The following TRPC4AP variants were observed in gnomAD, a reference collection of about 807,000 sequenced individuals.
TRPC4AP encodes the protein short transient receptor potential channel 4-associated protein.
In TRPC4AP, 45 loss-of-function variants were observed where a neutral mutation model predicts 99.0. The ratio of observed to expected loss-of-function variants is 0.45; its 90% CI spans 0.36 to 0.58. The LOEUF (loss-of-function observed/expected upper bound fraction) is 0.58, where lower values mean the gene tolerates loss of function less well. Among genes scored for constraint, TRPC4AP ranks in the 20% least tolerant of loss-of-function variants. The probability of loss-of-function intolerance (pLI) is 0.00; values close to 1 mark genes in which losing one functional copy is unlikely to be tolerated. For synonymous variants in TRPC4AP, 408 were observed against 385.8 expected (o/e 1.06, Z -0.67); for missense variants, 879 against 985.3 (o/e 0.89, Z 1.44).
At chr20:35,069,141 A>G (rs1192768041) in intron 3 of TRPC4AP, among the ~76,000 whole-genome samples, 155 bp downstream of exon 3, 5 of 152,216 alleles carry the variant, frequency 3.3e-5, no homozygotes, top group African/African-American at 1.2e-4. Context: ...AGTAAAAACT[A>G]TGCTGCTTCA....
intron 10 of TRPC4AP, among the ~76,000 whole-genome samples, chr20:35,014,018 C>T (rs1054443045): frequency 6.6e-6 from 1 of 152,252 alleles, no homozygotes; most frequent in African/African-American, 2.4e-5. Flanking sequence ...CAAAAGTGCC[C>T]TGTAGAAATG....
At position 35,065,430 on chromosome 20, in the gene TRPC4AP, A is replaced by G. The variant is rs564466457; in HGVS notation, c.414+3866T>C. ...TTGTAAACTCTAAGACACACTTTTC[A>G]CAGTCATGTTATGGATAGGGTCAGG... On this transcript the variant is annotated intron_variant, in intron 3 of 18. Transcript: ENST00000252015. Among the ~76,000 whole-genome samples, 78 of 152,284 alleles carry G rather than the reference A, an allele frequency of 5.1e-4. 1 individual carries two copies. Among genetic ancestry groups the G allele is most frequent in the African/African-American group, 1.8e-3 (76 of 41,548 alleles).
intron 8 of TRPC4AP, among the ~76,000 whole-genome samples, chr20:35,024,072 T>C (rs1226543994): frequency 6.6e-6 from 1 of 151,654 alleles, no homozygotes; most frequent in East Asian, 1.9e-4. Flanking sequence ...CCACACCGAT[T>C]GGAGCGGTCA....
chr20:35,018,960 G>A (rs2082822573), intron 9 of TRPC4AP, among the ~76,000 whole-genome samples: 1 of 152,188 alleles, frequency 6.6e-6, no homozygotes, highest in Non-Finnish European at 1.5e-5. Flanking sequence ...CTACTCAGGG[G>A]GCACTAAAAG....
At chr20:35,035,787 C>T (rs988437476) in intron 7 of TRPC4AP, among the ~76,000 whole-genome samples, 6 of 151,600 alleles carry the variant, frequency 4.0e-5, no homozygotes, top group African/African-American at 1.2e-4. Context: ...ATGACACATA[C>T]ATCTTTATAT....
chr20:35,039,747 G>A lies in TRPC4AP; in HGVS notation c.866-4439C>T, dbSNP rs140284031. 3.2e-3 allele frequency among the ~76,000 whole-genome samples: 487 copies of A among 152,136 alleles called. 4 individuals carry two copies. The highest frequency in any genetic ancestry group is 3.5e-3 in the Non-Finnish European group (238 of 67,990). On this transcript the variant is annotated intron_variant, in intron 7 of 18. Coordinates refer to ENST00000252015, the MANE Select transcript of TRPC4AP (RefSeq NM_015638.3). ...ATCTCTGCTAAGAATCTTGAAAGAC[G>A]TTACTTTCCCCCAGAAGGAAACCAG...
At chr20:35,050,116 A>C (rs1317608248) in intron 5 of TRPC4AP, 122 bp from the exon 6 acceptor site, 1 of 1,076,642 alleles carries the variant, frequency 9.3e-7, no homozygotes, top group Non-Finnish European at 1.3e-6. Context: ...AGTCAACAAA[A>C]CAGGAATGGC....
chr20:35,086,523 ATATGTGTGTG>A lies in TRPC4AP; in HGVS notation c.168+6081_168+6090del, dbSNP rs1300280530. The stretch of plus-strand genomic sequence containing the variant: ...TGTATATATATGTGTGTGTGTGTAT[ATATGTGTGTG>A]TGTGTGTGTGTGTGTGTGTGTGTGT... On this transcript the variant is annotated intron_variant, in intron 1 of 18. Coordinates refer to ENST00000252015, the MANE Select transcript of TRPC4AP (RefSeq NM_015638.3). Among the ~76,000 whole-genome samples, 33 of 99,144 alleles carry A rather than the reference ATATGTGTGTG, an allele frequency of 3.3e-4. 1 individual carries two copies. The highest frequency in any genetic ancestry group is 3.2e-3 in the South Asian group (8 of 2,512). The allele number at this position is 99,144 out of a possible 152,430, so 65.0% of individuals were successfully genotyped here.
At chr20:35,031,202 T>C (rs2083183776) in intron 8 of TRPC4AP, among the ~76,000 whole-genome samples, 1 of 152,014 alleles carries the variant, frequency 6.6e-6, no homozygotes, top group African/African-American at 2.4e-5. Flanking sequence ...CATTTTTCTC[T>C]TACTACTTTC....
chr20:35,049,677 G>A (rs1165986545), intron 6 of TRPC4AP, among the ~76,000 whole-genome samples, 189 bp downstream of exon 6: 1 of 152,146 alleles, frequency 6.6e-6, no homozygotes, highest in Non-Finnish European at 1.5e-5. Flanking sequence ...ATGTATGTCT[G>A]TTTAGGTTTT....
Position 35,003,434 on chromosome 20 carries a change from G to T in TRPC4AP, c.2232C>A (p.Asp744Glu). The T allele has an allele frequency of 6.2e-7, 1 of 1,614,182 alleles. No homozygotes were observed. The highest frequency in any genetic ancestry group is 8.5e-7 in the Non-Finnish European group (1 of 1,180,026). The change falls in exon 18 of 19, where the codon GAC (aspartate) becomes GAA (glutamate). Residue 744 changes from aspartate (D) to glutamate (E), a missense_variant. Physicochemically the swap from Asp to Glu is conservative, Grantham distance 45. Coordinates refer to ENST00000252015, the MANE Select transcript of TRPC4AP (RefSeq NM_015638.3). ...RFWQQHYLHK[D>E]KDSTCLENSS... ...CGTTCTCTAGGCAGGTGCTGTCCTT[G>T]TCCTTGTGCAGGTAGTGCTGCTGCC...
rs2082542063 is a variant in TRPC4AP at position 35,007,631 on chromosome 20, T to C, written c.1605A>G (p.Gln535=). Residue 535 remains glutamine, a synonymous_variant, in exon 14 of 19, where the codon CAA becomes CAG. Coordinates refer to ENST00000252015, the MANE Select transcript of TRPC4AP (RefSeq NM_015638.3). The stretch of plus-strand genomic sequence containing the variant: ...GGAGGAAACTCTCCACAGCCCGAGC[T>C]TGCCAAAACCTGCGACCCAAATACT... ...EPAESSFRFW[Q]ARAVESFLRG... 1 of 1,614,226 alleles carries C rather than the reference T, an allele frequency of 6.2e-7. No individual in the cohort carries two copies. Among genetic ancestry groups the C allele is most frequent in the Non-Finnish European group, 8.5e-7 (1 of 1,180,030 alleles).
At chr20:35,076,978 C>T (rs1346392557) in intron 2 of TRPC4AP, among the ~76,000 whole-genome samples, 2 of 152,216 alleles carry the variant, frequency 1.3e-5, no homozygotes, top group Non-Finnish European at 2.9e-5. Context: ...CACCCCTCCC[C>T]CTGCTTTGCT....
intron 1 of TRPC4AP, among the ~76,000 whole-genome samples, chr20:35,088,049 G>GA (rs2084935580): frequency 6.6e-6 from 1 of 152,156 alleles, no homozygotes; most frequent in African/African-American, 2.4e-5. Context: ...GCTAAAAGGA[G>GA]AAACACGAAT....
chr20:35,078,603 AC>A (rs1040213323), intron 1 of TRPC4AP, among the ~76,000 whole-genome samples: 4 of 152,246 alleles, frequency 2.6e-5, no homozygotes, highest in Non-Finnish European at 4.4e-5. Context: ...AATAAAACAA[AC>A]ATGGTATACA....
At chr20:35,036,947 G>A (rs6088687) in intron 7 of TRPC4AP, among the ~76,000 whole-genome samples, 89,130 of 151,698 alleles carry the variant, frequency 0.59, 27,155 homozygotes, top group Middle Eastern at 0.74. Context: ...CTGTCTCAAC[G>A]CGTGCGCACA....
chr20:35,036,203 C>G (rs1469333850), intron 7 of TRPC4AP, among the ~76,000 whole-genome samples: 1 of 152,130 alleles, frequency 6.6e-6, no homozygotes, highest in African/African-American at 2.4e-5. Context: ...ATCATTTAAC[C>G]TTCTTTAAAA....
chr20:35,036,723 G>C (rs1022090407), intron 7 of TRPC4AP, among the ~76,000 whole-genome samples: 1 of 151,764 alleles, frequency 6.6e-6, no homozygotes, highest in African/African-American at 2.4e-5. Flanking sequence ...AAGGTGGGTG[G>C]ATCACTTGAA....
chr20:35,048,206 A>G (rs1179997604), intron 6 of TRPC4AP, among the ~76,000 whole-genome samples: 4 of 134,674 alleles, frequency 3.0e-5, no homozygotes, highest in Non-Finnish European at 6.1e-5. Context: ...GATTTGTAAG[A>G]ATTCTGTTTT....
Sources: allele counts gnomAD v4.1 joint callset (sites outside exome capture counted in the v4.1 genomes callset), GRCh38; gene constraint gnomAD v4.1.1; transcripts MANE v1.5; gene names NCBI Gene and HGNC (gene_info 2026-07-23, HGNC 2026-07-21).